CEACAM8: variants seen among roughly 807,000 people sequenced by gnomAD.
CEACAM8 encodes cell adhesion molecule CEACAM8.
In CEACAM8, 31 loss-of-function variants were observed where a neutral mutation model predicts 33.4. That is an observed-to-expected ratio of 0.93 (90% CI 0.70 to 1.25). The LOEUF is 1.25. CEACAM8 is among the 50% of genes most tolerant of loss of function. The pLI, the probability that CEACAM8 is intolerant of heterozygous loss-of-function variation, is 0.00. For synonymous variants in CEACAM8, 138 were observed against 164.5 expected, an observed-to-expected ratio of 0.84 and a Z score of 1.23; for missense variants, 388 against 434.6, an observed-to-expected ratio of 0.89 and a Z score of 0.95.
chr19:42,588,864 T>A lies in CEACAM8; in HGVS notation c.878A>T (p.Asn293Ile), dbSNP rs764185114. ...KLFIPNITTK[N>I]SGSYACHTTN... ...GGTGTGGCAGGCATAGGATCCGCTG[T>A]TCTTTGTAGTGATGTTGGGGATAAA... Residue 293 changes from asparagine (N) to isoleucine (I), a missense_variant, in exon 4 of 6, where the codon AAC becomes ATC. Asn to Ile is a moderately radical substitution (Grantham distance 149). Coordinates refer to ENST00000244336, the MANE Select transcript of CEACAM8 (RefSeq NM_001816.4). 45 of 1,614,086 alleles carry A rather than the reference T, an allele frequency of 2.8e-5. No homozygotes were observed. Among genetic ancestry groups the A allele is most frequent in the East Asian group, 2.2e-4 (10 of 44,898 alleles).
intron 4 of CEACAM8, among the ~76,000 whole-genome samples, chr19:42,587,629 GTTTAT>G (rs2042358194): frequency 6.6e-6 from 1 of 152,212 alleles, no homozygotes; most frequent in African/African-American, 2.4e-5. Context: ...GGGCAGAGAA[GTTTAT>G]TTAATATGGT....
At chr19:42,594,267 G>C (rs1234693112) in intron 1 of CEACAM8, among the ~76,000 whole-genome samples, 2 of 152,150 alleles carry the variant, frequency 1.3e-5, no homozygotes, top group Admixed American at 1.3e-4. Flanking sequence ...TCACATTCTA[G>C]ATCTCTTTGT....
Position 42,593,673 on chromosome 19 carries a change from G to A in CEACAM8, c.292C>T (p.Arg98Ter), listed in dbSNP as rs753176391. The change falls in exon 2 of 6, where the codon CGA (arginine) becomes TGA (stop). Residue 98 changes from arginine to a stop codon, truncating the protein, a stop_gained. Coordinates refer to ENST00000244336, the MANE Select transcript of CEACAM8 (RefSeq NM_001816.4). LOFTEE classifies it high-confidence loss of function. ...GATGCATTGGGGTATATTGTCTCTC[G>A]ATTGCTGTATGCAGGCCCTGGGGTA... The part of the protein sequence containing the change: ...QITPGPAYSN[R>*]ETIYPNASLL... 14 of 1,614,080 alleles carry A rather than the reference G, an allele frequency of 8.7e-6. No homozygotes were observed. The highest frequency in any genetic ancestry group is 5.5e-5 in the South Asian group (5 of 91,074).
chr19:42,593,212 T>G (rs1249445458), intron 2 of CEACAM8, among the ~76,000 whole-genome samples: 1 of 152,184 alleles, frequency 6.6e-6, no homozygotes, highest in Admixed American at 6.5e-5. Context: ...GCCCCTCAGG[T>G]CAGGCCCTGA....
At position 42,589,603 on chromosome 19, in the gene CEACAM8, G is replaced by A. The variant is rs554190266; in HGVS notation, c.557C>T (p.Pro186Leu). 3.7e-5 allele frequency: 60 copies of A among 1,614,172 alleles called. No individual in the cohort carries two copies. In the African/African-American group the frequency reaches 5.5e-4, roughly 15 times the overall value. The change falls in exon 3 of 6, where the codon CCG becomes CTG. Residue 186 changes from proline (P) to leucine (L), a missense_variant. Physicochemically the swap from Pro to Leu is moderately conservative, Grantham distance 98 (BLOSUM62 -3). Coordinates refer to ENST00000244336, the MANE Select transcript of CEACAM8 (RefSeq NM_001816.4). ...GGACAGCTGCAGCCTGGGACTGACC[G>A]GGAGACTCTGACCATTTACCCACCA... ...YLWWVNGQSL[P>L]VSPRLQLSNG... is the part of the protein sequence containing the mutation.
rs2042254205 is a variant in CEACAM8 at position 42,581,288 on chromosome 19, TGAA to T, written c.*103_*105del. The stretch of plus-strand genomic sequence containing the variant: ...TCGTCAGAGTATTTTCCATAAATCT[TGAA>T]GAAGAAGCAATTTTGAATGGTAGCT... On this transcript the variant is annotated 3_prime_UTR_variant, in exon 6 of 6. Coordinates refer to ENST00000244336, the MANE Select transcript of CEACAM8 (RefSeq NM_001816.4). The T allele has an allele frequency of 6.6e-6, 1 of 152,112 alleles. No homozygotes were observed. Among genetic ancestry groups the T allele is most frequent in the South Asian group, 2.1e-4 (1 of 4,824 alleles). The allele number at this position is 152,112 out of a possible 1,614,324, so 9.4% of individuals were successfully genotyped here.
chr19:42,589,675 G>A lies in CEACAM8; in HGVS notation c.485C>T (p.Ala162Val), dbSNP rs369717621. 1.5e-5 allele frequency: 25 copies of A among 1,614,126 alleles called. No homozygotes were observed. Among genetic ancestry groups the A allele is most frequent in the Non-Finnish European group, 1.9e-5 (23 of 1,180,054 alleles). Residue 162 changes from alanine to valine, a missense_variant, in exon 3 of 6, where the codon GCT (alanine) becomes GTT (valine). Physicochemically the swap from Ala to Val is moderately conservative, Grantham distance 64. Transcript: ENST00000244336. Reference sequence around the variant, plus strand: ...CTCAGGTTCACAGGTGAAGGCCACAGCATCCTTGTCCTCCACGGGGTTGGA... The same window carrying A: ...CTCAGGTTCACAGGTGAAGGCCACAACATCCTTGTCCTCCACGGGGTTGGA... Reference protein sequence around the residue: ...NNSNPVEDKDAVAFTCEPETQ... With the variant: ...NNSNPVEDKDVVAFTCEPETQ...
rs140765080 is a variant in CEACAM8, at chr19:42,582,510, A to C, written c.*40+696T>G. Among the ~76,000 whole-genome samples the C allele has an allele frequency of 3.8e-4, 58 of 152,292 alleles. No homozygotes were observed. The East Asian group carries it at 9.5e-3, about 25-fold the overall frequency. On this transcript the variant is annotated intron_variant, in intron 5 of 5. Coordinates refer to ENST00000244336, the MANE Select transcript of CEACAM8 (RefSeq NM_001816.4). ...GTCCTGAATCTCAGGTTCACACATT[A>C]ATGCTAGAGTCGTTGTTCTCCATGA...
rs542599346 is a variant in CEACAM8 at position 42,594,003 on chromosome 19, G to A, written c.65-103C>T. Reference sequence around the variant, plus strand: ...TTTGTGTGTTTTTATGTGTGTGTATGTGTGTGTGTCCTACTGAGTCAATGT... The same window carrying A: ...TTTGTGTGTTTTTATGTGTGTGTATATGTGTGTGTCCTACTGAGTCAATGT... On this transcript the variant is annotated intron_variant, in intron 1 of 5. Coordinates refer to ENST00000244336, the MANE Select transcript of CEACAM8 (RefSeq NM_001816.4). 1.9e-4 allele frequency: 228 copies of A among 1,229,362 alleles called. No homozygotes were observed. In the African/African-American group the frequency reaches 3.0e-3, roughly 16 times the overall value. 76.2% of individuals were successfully genotyped at this position (1,229,362 alleles called of 1,614,324 possible). A position where few individuals can be genotyped will look rare whatever the true frequency, so the allele number is the denominator to read the frequency against.
intron 2 of CEACAM8, among the ~76,000 whole-genome samples, chr19:42,590,540 G>A (rs1187823855): frequency 1.3e-5 from 2 of 152,228 alleles, no homozygotes; most frequent in African/African-American, 4.8e-5. Context: ...ACTGACGGGT[G>A]GGGAGGGGGA....
At chr19:42,581,926 T>A (rs1013947728) in intron 5 of CEACAM8, among the ~76,000 whole-genome samples, 33 of 89,616 alleles carry the variant, frequency 3.7e-4, no homozygotes, top group African/African-American at 6.3e-4. Context: ...AAAAAATATA[T>A]ATATATATAT....
intron 5 of CEACAM8, among the ~76,000 whole-genome samples, chr19:42,581,870 C>T (rs868504029): frequency 9.2e-6 from 1 of 108,620 alleles, no homozygotes; most frequent in African/African-American, 3.6e-5. Flanking sequence ...AGCCTGGCGA[C>T]GGAGCGAGAC....
Position 42,593,714 on chromosome 19 carries a change from A to G in CEACAM8, c.251T>C (p.Ile84Thr), listed in dbSNP as rs748046339. 1.9e-6 allele frequency: 3 copies of G among 1,614,048 alleles called. No homozygotes were observed. The highest frequency in any genetic ancestry group is 2.2e-5 in the South Asian group (2 of 91,072). Residue 84 changes from isoleucine to threonine, a missense_variant, in exon 2 of 6, where the codon ATA (isoleucine) becomes ACA (threonine). Coordinates refer to ENST00000244336, the MANE Select transcript of CEACAM8 (RefSeq NM_001816.4). ...DANRRIIGYVISNQQITPGPA... is the reference protein window; with the variant it reads ...DANRRIIGYVTSNQQITPGPA... ...CCCTGGGGTAATCTGTTGATTTGAT[A>G]TTACATATCCTATAATTCGACGGTT...
intron 5 of CEACAM8, among the ~76,000 whole-genome samples, chr19:42,582,678 A>C (rs2042277439): frequency 6.6e-6 from 1 of 152,198 alleles, no homozygotes; most frequent in Admixed American, 6.5e-5. Flanking sequence ...AAGTGTAGGA[A>C]GACAGTTCTA....
rs748323731 is a variant in CEACAM8, at chr19:42,589,443, C to G, written c.703+14G>C. On this transcript the variant is annotated intron_variant, in intron 3 of 5. Coordinates refer to ENST00000244336, the MANE Select transcript of CEACAM8 (RefSeq NM_001816.4). ...GCTGGTGGCCTGGGCCACAGAGGAA[C>G]AGAAGATACTCACAGAGGACATTCA... 3 of 1,613,990 alleles carry G rather than the reference C, an allele frequency of 1.9e-6. No homozygotes were observed. The highest frequency in any genetic ancestry group is 2.5e-6 in the Non-Finnish European group (3 of 1,179,886).
intron 4 of CEACAM8, among the ~76,000 whole-genome samples, chr19:42,588,033 T>A (rs1248117201): frequency 6.6e-6 from 1 of 152,172 alleles, no homozygotes; most frequent in Non-Finnish European, 1.5e-5. Context: ...TCTCCCTGTG[T>A]CTCCAAGTGT....
rs1478571295 is a variant in CEACAM8, at chr19:42,581,773, C to T, written c.*41-420G>A. Reference sequence around the variant, plus strand: ...GGCGTGGTGGCAGGTGCCTGTAATCCCAGCTACTCGGGAGGCTGAGGCAGG... The same window carrying T: ...GGCGTGGTGGCAGGTGCCTGTAATCTCAGCTACTCGGGAGGCTGAGGCAGG... On this transcript the variant is annotated intron_variant, in intron 5 of 5. Coordinates refer to ENST00000244336, the MANE Select transcript of CEACAM8 (RefSeq NM_001816.4). 3.3e-5 allele frequency among the ~76,000 whole-genome samples: 5 copies of T among 150,048 alleles called. No homozygotes were observed. In the East Asian group the frequency reaches 9.8e-4, roughly 29 times the overall value.
At chr19:42,584,195 A>G (rs2042297846) in intron 4 of CEACAM8, among the ~76,000 whole-genome samples, 1 of 138,806 alleles carries the variant, frequency 7.2e-6, no homozygotes, top group African/African-American at 3.4e-5. Context: ...TTTACCTAAG[A>G]TACCTTTTAC....
intron 2 of CEACAM8, 87 bp downstream of exon 2, chr19:42,593,454 G>A: frequency 4.0e-6 from 6 of 1,489,388 alleles, no homozygotes; most frequent in Non-Finnish European, 5.4e-6. Flanking sequence ...TGCAGAGAGG[G>A]ACATGGGCAC....
Sources: gnomAD v4.1 joint callset for allele counts (sites outside exome capture counted in the v4.1 genomes callset) on GRCh38, gnomAD v4.1.1 for gene constraint, MANE v1.5 for transcripts, NCBI Gene and HGNC (gene_info 2026-07-23, HGNC 2026-07-21) for gene names.